OTUD7A: variants seen among roughly 807,000 people sequenced by gnomAD.
OTUD7A encodes OTU deubiquitinase 7A.
Under a neutral mutation model 65.7 loss-of-function variants are expected in OTUD7A, and 12 were observed. The observed-to-expected ratio is 0.18, with a 90% CI of 0.12 to 0.30. The LOEUF (loss-of-function observed/expected upper bound fraction) is 0.30. Among genes scored for constraint, OTUD7A ranks in the 10% least tolerant of loss-of-function variants. OTUD7A has a pLI of 1.00. For synonymous variants in OTUD7A, 641 were observed against 586.3 expected (o/e 1.09, Z -1.35); for missense variants, 1,148 against 1,304.8 (o/e 0.88, Z 1.85).
At chr15:31,694,299 C>T (rs1025298313) in intron 1 of OTUD7A, among the ~76,000 whole-genome samples, 3 of 152,156 alleles carry the variant, frequency 2.0e-5, no homozygotes, top group African/African-American at 7.2e-5. Context: ...TCTTACCGCT[C>T]TCCTTGTCCC....
intron 1 of OTUD7A, among the ~76,000 whole-genome samples, chr15:31,867,941 G>A (rs1049693225): frequency 6.6e-5 from 10 of 152,158 alleles, no homozygotes; most frequent in Non-Finnish European, 1.5e-4. Flanking sequence ...GAGCACACCG[G>A]CGCACACACA....
intron 3 of OTUD7A, chr15:31,649,571 A>T (rs1162106291): frequency 5.3e-6 from 1 of 187,962 alleles, no homozygotes; most frequent in East Asian, 1.4e-4. Context: ...AGGACTTACA[A>T]CAAAAATATT....
At position 31,504,890 on chromosome 15, in the gene OTUD7A, A is replaced by C. The variant is rs564337516; in HGVS notation, c.894-1072T>G. Among the ~76,000 whole-genome samples the C allele has an allele frequency of 1.8e-4, 18 of 100,056 alleles. No individual in the cohort carries two copies. The South Asian group carries it at 4.2e-3, about 23-fold the overall frequency. 65.6% of individuals were successfully genotyped at this position (100,056 alleles called of 152,430 possible). On this transcript the variant is annotated intron_variant, in intron 8 of 12. Coordinates refer to ENST00000307050, the MANE Select transcript of OTUD7A (RefSeq NM_001382637.1). ...ATGTTTTTTCTTTTTCTTATGACTC[A>C]ATTTACCTTTTTTTTTTTGAGACAG...
chr15:31,771,293 A>G (rs576282937), intron 1 of OTUD7A, among the ~76,000 whole-genome samples: 4 of 152,138 alleles, frequency 2.6e-5, no homozygotes, highest in Non-Finnish European at 5.9e-5. Flanking sequence ...TGGACTATCT[A>G]TTTGTCAGCT....
chr15:31,775,795 T>C (rs1309823974), intron 1 of OTUD7A, among the ~76,000 whole-genome samples: 1 of 151,956 alleles, frequency 6.6e-6, no homozygotes, highest in African/African-American at 2.4e-5. Flanking sequence ...AGAATGTGAG[T>C]GTATCCCTCA....
At chr15:31,623,522 C>G (rs1401998949) in intron 3 of OTUD7A, among the ~76,000 whole-genome samples, 1 of 152,256 alleles carries the variant, frequency 6.6e-6, no homozygotes, top group Non-Finnish European at 1.5e-5. Context: ...GACTGCTGTG[C>G]TAGCAATGAG....
rs776227673 is a variant in OTUD7A, at chr15:31,501,835, G to A, written c.1026C>T (p.Phe342=). 133 of 1,609,152 alleles carry A rather than the reference G, an allele frequency of 8.3e-5. No individual in the cohort carries two copies. Among genetic ancestry groups the A allele is most frequent in the East Asian group, 5.3e-4 (24 of 44,890 alleles). The part of the protein sequence containing the change: ...TMLRDSGGEA[F]APIPFGGIYL... The stretch of plus-strand genomic sequence containing the variant: ...AGATCCCTCCGAATGGGATGGGTGC[G>A]AACGCTGTGGACACAAACCAGGGTG... The change falls in exon 10 of 13, where the codon TTC becomes TTT. Residue 342 remains phenylalanine, a synonymous_variant. Transcript: ENST00000307050.
intron 1 of OTUD7A, among the ~76,000 whole-genome samples, chr15:31,709,711 C>G (rs965218584): frequency 4.0e-5 from 6 of 151,558 alleles, no homozygotes; most frequent in Admixed American, 2.6e-4. Context: ...CTTTGCATAT[C>G]TGTGTGTGGT....
chr15:31,528,779 C>G, intron 6 of OTUD7A, among the ~76,000 whole-genome samples: 1 of 152,250 alleles, frequency 6.6e-6, no homozygotes, highest in East Asian at 1.9e-4. Flanking sequence ...AACGTCAGGC[C>G]AGGCCAACAG....
At position 31,848,451 on chromosome 15, in the gene OTUD7A, T is replaced by TA. The variant is rs1364483768; in HGVS notation, c.-100+22055dup. Reference sequence around the variant, plus strand: ...TCTAAAAAACTGTGCTTTTTATTTTTAAAAAAAAACAGTTTTCTCTCACTG... The same window carrying TA: ...TCTAAAAAACTGTGCTTTTTATTTTTAAAAAAAAAACAGTTTTCTCTCACTG... On this transcript the variant is annotated intron_variant, in intron 1 of 12. Coordinates refer to ENST00000307050, the MANE Select transcript of OTUD7A (RefSeq NM_001382637.1). Among the ~76,000 whole-genome samples the TA allele has an allele frequency of 1.6e-3, 244 of 151,024 alleles. 1 individual carries two copies. Among genetic ancestry groups the TA allele is most frequent in the Admixed American group, 7.2e-3 (110 of 15,204 alleles).
intron 1 of OTUD7A, among the ~76,000 whole-genome samples, chr15:31,790,762 C>A (rs1595770841): frequency 6.6e-6 from 1 of 152,194 alleles, no homozygotes; most frequent in African/African-American, 2.4e-5. Context: ...GGCCCTCAAT[C>A]CATGAATGAC....
At chr15:31,497,683 A>T (rs2041408668) in intron 10 of OTUD7A, among the ~76,000 whole-genome samples, 1 of 152,084 alleles carries the variant, frequency 6.6e-6, no homozygotes, top group Non-Finnish European at 1.5e-5. Context: ...ATCTTATCCC[A>T]AGCAGGCTTT....
chr15:31,505,559 AT>A (rs545332263), intron 8 of OTUD7A, among the ~76,000 whole-genome samples: 8 of 151,680 alleles, frequency 5.3e-5, no homozygotes, highest in South Asian at 4.2e-4. Context: ...CCCTCTTATA[AT>A]TTTTTTTTAA....
intron 9 of OTUD7A, 89 bp from the exon 10 acceptor site, chr15:31,501,928 G>T: frequency 1.4e-6 from 2 of 1,399,752 alleles, no homozygotes; most frequent in Non-Finnish European, 9.7e-7. Context: ...TCACTACCCC[G>T]GGGGGACTCC....
intron 1 of OTUD7A, among the ~76,000 whole-genome samples, chr15:31,790,680 A>G (rs1895789823): frequency 6.6e-6 from 1 of 152,210 alleles, no homozygotes; most frequent in East Asian, 1.9e-4. Context: ...GCCTCCCACC[A>G]GCCAATATCA....
At chr15:31,714,061 C>T (rs1893519185) in intron 1 of OTUD7A, among the ~76,000 whole-genome samples, 1 of 147,532 alleles carries the variant, frequency 6.8e-6, no homozygotes, top group South Asian at 2.4e-4. Flanking sequence ...TTGGAAAAAC[C>T]GCTTGGCAGA....
rs541280578 is a variant in OTUD7A at position 31,815,902 on chromosome 15, C to T, written c.-100+54605G>A. ...TCTCTTTGCCCATAGGACAGATGTT[C>T]TGGGAGAAAGGTCCCCACCATGTTC... On this transcript the variant is annotated intron_variant, in intron 1 of 12. Transcript: ENST00000307050. 4.6e-5 allele frequency among the ~76,000 whole-genome samples: 7 copies of T among 152,332 alleles called. No homozygotes were observed. In the East Asian group the frequency reaches 1.3e-3, roughly 29 times the overall value.
At chr15:31,686,736 G>A (rs1892845497) in intron 1 of OTUD7A, among the ~76,000 whole-genome samples, 1 of 152,214 alleles carries the variant, frequency 6.6e-6, no homozygotes, top group African/African-American at 2.4e-5. Flanking sequence ...TATTGCCCCA[G>A]AAAGCAGAGG....
chr15:31,736,997 T>TAAAA (rs1894210836), intron 1 of OTUD7A, among the ~76,000 whole-genome samples: 1 of 152,058 alleles, frequency 6.6e-6, no homozygotes. Flanking sequence ...AATTTTTGTA[T>TAAAA]TTTTAGTAGA....
Sources: gnomAD v4.1 joint callset for allele counts (sites outside exome capture counted in the v4.1 genomes callset) on GRCh38, gnomAD v4.1.1 for gene constraint, MANE v1.5 for transcripts, NCBI Gene and HGNC (gene_info 2026-07-23, HGNC 2026-07-21) for gene names.